Variants in ZBTB20 observed in about 807,000 individuals in gnomAD.
The protein encoded by ZBTB20 is zinc finger and BTB domain containing 20.
Under a neutral mutation model 56.9 loss-of-function variants are expected in ZBTB20, and 9 were observed. The ratio of observed to expected loss-of-function variants is 0.16; its 90% CI spans 0.10 to 0.28. ZBTB20 has a LOEUF of 0.28. Among genes scored for constraint, ZBTB20 ranks in the 10% least tolerant of loss-of-function variants. The pLI is 1.00. For missense variants in ZBTB20, 655 were observed against 1,003.0 expected (o/e 0.65, Z 4.69); for synonymous variants, 417 against 420.7 (o/e 0.99, Z 0.11).
intron 2 of ZBTB20, among the ~76,000 whole-genome samples, chr3:114,977,928 T>C (rs2078170182): frequency 6.7e-6 from 1 of 150,338 alleles, no homozygotes; most frequent in South Asian, 2.1e-4. Context: ...GAGGATCACC[T>C]GAGCCTGGAG....
At position 114,327,003 on chromosome 3, in the gene ZBTB20, A is replaced by C. The variant is rs1287502113; in HGVS notation, c.*12002T>G. The C allele has an allele frequency of 6.6e-6, 1 of 152,152 alleles. No individual in the cohort carries two copies. The highest frequency in any genetic ancestry group is 1.5e-5 in the Non-Finnish European group (1 of 68,030). The allele number at this position is 152,152 out of a possible 1,614,324, so 9.4% of individuals were successfully genotyped here. A position where few individuals can be genotyped will look rare whatever the true frequency, so the allele number is the denominator to read the frequency against. On this transcript the variant is annotated 3_prime_UTR_variant, in exon 12 of 12. Transcript: ENST00000675478. ...GCAAAGCAAGCTTTTCCTGGAGAAA[A>C]GAAGAAAAAAAAATCTTCCTATCCT...
chr3:115,024,749 T>C (rs558397464), intron 2 of ZBTB20, among the ~76,000 whole-genome samples: 46 of 150,962 alleles, frequency 3.0e-4, no homozygotes, highest in Middle Eastern at 6.8e-3. Context: ...CAGAGAGGGG[T>C]TGACCGTACA....
intron 4 of ZBTB20, among the ~76,000 whole-genome samples, chr3:114,804,953 G>T (rs1209331801): frequency 6.6e-6 from 1 of 151,602 alleles, no homozygotes; most frequent in East Asian, 1.9e-4. Context: ...TTTATAACTG[G>T]TTAGTTTGAA....
chr3:114,641,092 G>A (rs1394433376), intron 6 of ZBTB20, among the ~76,000 whole-genome samples: 1 of 151,894 alleles, frequency 6.6e-6, no homozygotes, highest in Non-Finnish European at 1.5e-5. Context: ...AAAACCAGAA[G>A]GGAAAGAACT....
intron 1 of ZBTB20, among the ~76,000 whole-genome samples, chr3:115,087,398 G>C (rs1277534283): frequency 6.6e-6 from 1 of 151,800 alleles, no homozygotes; most frequent in Non-Finnish European, 1.5e-5. Context: ...GGCTTCACGT[G>C]GTGGACACTG....
intron 2 of ZBTB20, among the ~76,000 whole-genome samples, chr3:114,985,155 T>C (rs943112348): frequency 6.6e-6 from 1 of 152,146 alleles, no homozygotes; most frequent in Non-Finnish European, 1.5e-5. Flanking sequence ...TCGATTTTCC[T>C]ACATTAAGGA....
At chr3:114,914,113 A>C (rs2075649438) in intron 3 of ZBTB20, among the ~76,000 whole-genome samples, 1 of 152,040 alleles carries the variant, frequency 6.6e-6, no homozygotes, top group South Asian at 2.1e-4. Context: ...TTCTGTGAAG[A>C]ATGTAATTGG....
At position 114,667,046 on chromosome 3, in the gene ZBTB20, A is replaced by G. The variant is rs79564089; in HGVS notation, c.-295+26482T>C. Reference sequence around the variant, plus strand: ...TAAAATGAAAAGTTCTCTACTTTTTAAAAGCTGCATCAAAATTTCCTTCCT... The same window carrying G: ...TAAAATGAAAAGTTCTCTACTTTTTGAAAGCTGCATCAAAATTTCCTTCCT... On this transcript the variant is annotated intron_variant, in intron 6 of 11. Transcript: ENST00000675478. 6.9e-4 allele frequency among the ~76,000 whole-genome samples: 105 copies of G among 152,166 alleles called. 4 individuals are homozygous for G. In the East Asian group the frequency reaches 0.019, roughly 28 times the overall value.
At position 114,775,473 on chromosome 3, in the gene ZBTB20, A is replaced by AT. The variant is rs543999824; in HGVS notation, c.-343+25627dup. 4.6e-3 allele frequency among the ~76,000 whole-genome samples: 676 copies of AT among 146,454 alleles called. 3 individuals are homozygous for AT. The highest frequency in any genetic ancestry group is 0.025 in the South Asian group (114 of 4,620). ...AAAATGACTTCTGTTGCCTTATTTA[A>AT]TTTTTTTTTTCTTTCTCCTTACTCC... On this transcript the variant is annotated intron_variant, in intron 5 of 11. Coordinates refer to ENST00000675478, the MANE Select transcript of ZBTB20 (RefSeq NM_001348800.3).
chr3:114,805,233 A>G (rs2072014193), intron 4 of ZBTB20, among the ~76,000 whole-genome samples: 1 of 151,866 alleles, frequency 6.6e-6, no homozygotes, highest in African/African-American at 2.4e-5. Flanking sequence ...CTTTATTCAG[A>G]TGTCACCAAT....
intron 3 of ZBTB20, among the ~76,000 whole-genome samples, chr3:114,958,464 G>A (rs1298472630): frequency 6.6e-6 from 1 of 152,090 alleles, no homozygotes; most frequent in Non-Finnish European, 1.5e-5. Context: ...CACTTGCACT[G>A]GAGTGGGTGA....
chr3:115,001,651 C>T (rs1306590227), intron 2 of ZBTB20, among the ~76,000 whole-genome samples: 1 of 150,078 alleles, frequency 6.7e-6, no homozygotes, highest in Non-Finnish European at 1.5e-5. Context: ...ACACTAAAAC[C>T]AAAAAATTAA....
chr3:114,637,404 T>C (rs2059335819), intron 6 of ZBTB20, among the ~76,000 whole-genome samples: 1 of 152,114 alleles, frequency 6.6e-6, no homozygotes, highest in African/African-American at 2.4e-5. Flanking sequence ...TCTAGAAACA[T>C]AATTGGGGTT....
Position 114,957,828 on chromosome 3 carries a change from GTCC to G in ZBTB20, c.-456+16535_-456+16537del, listed in dbSNP as rs544545326. 6.4e-4 allele frequency among the ~76,000 whole-genome samples: 98 copies of G among 152,308 alleles called. 1 individual carries two copies. The highest frequency in any genetic ancestry group is 3.4e-3 in the Middle Eastern group (1 of 294). The stretch of plus-strand genomic sequence containing the variant: ...AAGTATCCTTTTGTATCTAGAGTTT[GTCC>G]TCCAGGATGAATGGAGGTCAGCTTT... On this transcript the variant is annotated intron_variant, in intron 3 of 11. Coordinates refer to ENST00000675478, the MANE Select transcript of ZBTB20 (RefSeq NM_001348800.3).
intron 6 of ZBTB20, among the ~76,000 whole-genome samples, chr3:114,521,179 G>C (rs181600426): frequency 6.6e-6 from 1 of 152,058 alleles, no homozygotes; most frequent in East Asian, 1.9e-4. Flanking sequence ...TTTCAGGAAG[G>C]GTGAGATTAC....
intron 2 of ZBTB20, among the ~76,000 whole-genome samples, chr3:115,040,048 T>C (rs2081079571): frequency 6.6e-6 from 1 of 152,164 alleles, no homozygotes; most frequent in African/African-American, 2.4e-5. Context: ...ACTGAGTATA[T>C]ATATGTTAAA....
At chr3:114,676,164 C>A (rs942261144) in intron 6 of ZBTB20, among the ~76,000 whole-genome samples, 1 of 152,158 alleles carries the variant, frequency 6.6e-6, no homozygotes, top group African/African-American at 2.4e-5. Context: ...GATCCTCTTC[C>A]CCAACTGATC....
At chr3:115,107,340 A>G (rs1176005908) in intron 1 of ZBTB20, among the ~76,000 whole-genome samples, 1 of 151,970 alleles carries the variant, frequency 6.6e-6, no homozygotes, top group Non-Finnish European at 1.5e-5. Context: ...GGATTTCTTG[A>G]GCCCAGGAGG....
At chr3:114,361,571 A>G (rs951057482) in intron 10 of ZBTB20, among the ~76,000 whole-genome samples, 4 of 152,172 alleles carry the variant, frequency 2.6e-5, no homozygotes, top group African/African-American at 7.2e-5. Flanking sequence ...GTGGTTTCAG[A>G]GCCCATTAAG....
Sources: allele counts gnomAD v4.1 joint callset (sites outside exome capture counted in the v4.1 genomes callset), GRCh38; gene constraint gnomAD v4.1.1; transcripts MANE v1.5; gene names NCBI Gene and HGNC (gene_info 2026-07-23, HGNC 2026-07-21).